Variants in COP1 observed in about 807,000 individuals in gnomAD.
COP1 encodes COP1 E3 ubiquitin ligase.
COP1 carries 24 observed loss-of-function variants against 101.3 expected under a neutral mutation model. That is an observed-to-expected ratio of 0.24 (90% CI 0.17 to 0.33). The LOEUF (loss-of-function observed/expected upper bound fraction) is 0.33. Ranked by LOEUF, COP1 falls within the 10% of genes least tolerant of loss-of-function variation. The probability of loss-of-function intolerance (pLI) is 1.00; values close to 1 mark genes in which losing one functional copy is unlikely to be tolerated. For missense variants in COP1, 663 were observed against 906.2 expected, an observed-to-expected ratio of 0.73 and a Z score of 3.45; for synonymous variants, 347 against 341.9, an observed-to-expected ratio of 1.01 and a Z score of -0.17.
At chr1:175,949,205 A>G (rs1246855719) in intron 18 of COP1, among the ~76,000 whole-genome samples, 1 of 142,640 alleles carries the variant, frequency 7.0e-6, no homozygotes, top group Non-Finnish European at 1.5e-5. Flanking sequence ...AACATGGGTA[A>G]TACAATACTC....
At chr1:176,016,487 A>T (rs1665673345) in intron 15 of COP1, among the ~76,000 whole-genome samples, 1 of 152,166 alleles carries the variant, frequency 6.6e-6, no homozygotes, top group African/African-American at 2.4e-5. Context: ...ATTTCTATGT[A>T]AGGGTAGGAG....
intron 11 of COP1, among the ~76,000 whole-genome samples, chr1:176,058,548 G>A (rs894569811): frequency 6.6e-6 from 1 of 152,162 alleles, no homozygotes; most frequent in Non-Finnish European, 1.5e-5. Context: ...TTAAACAGAT[G>A]ATTGAAGGCA....
intron 18 of COP1, among the ~76,000 whole-genome samples, chr1:175,956,519 A>C (rs905756843): frequency 4.6e-5 from 7 of 152,076 alleles, no homozygotes; most frequent in African/African-American, 1.7e-4. Context: ...GATAAATTGG[A>C]CTTCATCAAA....
intron 5 of COP1, among the ~76,000 whole-genome samples, chr1:176,153,530 G>A (rs1692955803): frequency 6.6e-6 from 1 of 152,196 alleles, no homozygotes; most frequent in African/African-American, 2.4e-5. Flanking sequence ...CATGTCATCT[G>A]CAAACAGATA....
At chr1:175,977,530 T>C (rs1413502055) in intron 18 of COP1, among the ~76,000 whole-genome samples, 3 of 152,016 alleles carry the variant, frequency 2.0e-5, no homozygotes, top group African/African-American at 7.2e-5. Flanking sequence ...TTTGGGAAAC[T>C]GGTGAATAAA....
rs568479866 is a variant in COP1 at position 176,030,459 on chromosome 1, G to A, written c.1613-2771C>T. On this transcript the variant is annotated intron_variant, in intron 14 of 19. Transcript: ENST00000367669. Reference sequence around the variant, plus strand: ...CCTTTACAAACAAGCATTATGTATCGTTGTTTAACGTTAATTAAATATAAG... The same window carrying A: ...CCTTTACAAACAAGCATTATGTATCATTGTTTAACGTTAATTAAATATAAG... Among the ~76,000 whole-genome samples the A allele has an allele frequency of 5.3e-5, 8 of 152,138 alleles. No individual in the cohort carries two copies. The South Asian group carries it at 6.2e-4, about 12-fold the overall frequency.
intron 9 of COP1, among the ~76,000 whole-genome samples, chr1:176,100,691 A>G (rs1187594980): frequency 1.3e-5 from 2 of 152,222 alleles, no homozygotes; most frequent in Admixed American, 6.5e-5. Context: ...AACTAAGAAC[A>G]AGGGAGCTAA....
At chr1:176,169,367 A>ACAT (rs1469775940) in intron 3 of COP1, among the ~76,000 whole-genome samples, 1 of 152,192 alleles carries the variant, frequency 6.6e-6, no homozygotes, top group Non-Finnish European at 1.5e-5. Flanking sequence ...TTAAATAACA[A>ACAT]CATAGGAAAC....
chr1:176,050,647 A>C (rs17354043), intron 11 of COP1, among the ~76,000 whole-genome samples: 10,034 of 152,276 alleles, frequency 0.066, 410 homozygotes, highest in Middle Eastern at 0.12. Context: ...AAATACAAAC[A>C]CAAGTAAAGT....
At chr1:176,128,972 T>C (rs1293651527) in intron 8 of COP1, among the ~76,000 whole-genome samples, 1 of 151,934 alleles carries the variant, frequency 6.6e-6, no homozygotes, top group Non-Finnish European at 1.5e-5. Flanking sequence ...GAGTCATCCC[T>C]GTCCTCCATA....
intron 1 of COP1, among the ~76,000 whole-genome samples, chr1:176,192,263 A>G (rs1485720398): frequency 2.0e-5 from 3 of 152,098 alleles, no homozygotes; most frequent in African/African-American, 7.2e-5. Context: ...TCTAATTACC[A>G]CCAAGGGTTT....
At chr1:175,966,280 TACACACACAC>T (rs66711924) in intron 18 of COP1, among the ~76,000 whole-genome samples, 92,438 of 150,088 alleles carry the variant, frequency 0.62, 29,589 homozygotes, top group East Asian at 0.82. Flanking sequence ...GTGTTTGCAA[TACACACACAC>T]ACACACACAC....
intron 11 of COP1, among the ~76,000 whole-genome samples, chr1:176,077,026 G>T (rs1340245034): frequency 6.6e-6 from 1 of 152,130 alleles, no homozygotes; most frequent in Non-Finnish European, 1.5e-5. Context: ...TGGACCAGAT[G>T]ATTCACAGAC....
chr1:176,202,185 CTTTTT>C (rs11367274), intron 1 of COP1, among the ~76,000 whole-genome samples: 2 of 96,386 alleles, frequency 2.1e-5, no homozygotes, highest in South Asian at 3.4e-4. Flanking sequence ...TTCTAGTTCA[CTTTTT>C]TTTTTTTTTT....
intron 15 of COP1, among the ~76,000 whole-genome samples, chr1:176,008,125 CCTTT>C (rs1373699978): frequency 6.6e-6 from 1 of 152,214 alleles, no homozygotes; most frequent in East Asian, 1.9e-4. Context: ...GTCCGTCACC[CCTTT>C]CTTTGACTCG....
intron 18 of COP1, among the ~76,000 whole-genome samples, chr1:175,976,545 T>C (rs560449359): frequency 6.6e-6 from 1 of 152,146 alleles, no homozygotes; most frequent in Non-Finnish European, 1.5e-5. Context: ...CCCAAAGTGC[T>C]GGAATTACAG....
chr1:175,984,123 G>A (rs1656540088), intron 18 of COP1, among the ~76,000 whole-genome samples: 1 of 152,146 alleles, frequency 6.6e-6, no homozygotes, highest in African/African-American at 2.4e-5. Flanking sequence ...CAAGACCACG[G>A]GGAAAATGTC....
rs140211835 is a variant in COP1, at chr1:176,014,400, T to C, written c.1729+13172A>G. Among the ~76,000 whole-genome samples, 266 of 152,306 alleles carry C rather than the reference T, an allele frequency of 1.7e-3. 1 individual carries two copies. The highest frequency in any genetic ancestry group is 5.9e-3 in the African/African-American group (247 of 41,572). ...CAACAGCACAAGTTATGCTGCCTAG[T>C]TGCAACCTTTATCTCTATTAAATGG... On this transcript the variant is annotated intron_variant, in intron 15 of 19. Transcript: ENST00000367669.
chr1:175,948,685 T>A (rs1383024006), intron 18 of COP1, among the ~76,000 whole-genome samples: 3 of 152,176 alleles, frequency 2.0e-5, no homozygotes. Context: ...ACTAATGGCA[T>A]ACAAGAAAAT....
Sources: gnomAD v4.1 joint callset for allele counts (sites outside exome capture counted in the v4.1 genomes callset) on GRCh38, gnomAD v4.1.1 for gene constraint, MANE v1.5 for transcripts, NCBI Gene and HGNC (gene_info 2026-07-23, HGNC 2026-07-21) for gene names.